The following ANKS1B variants were observed in gnomAD, a reference collection of about 807,000 sequenced individuals.
ANKS1B encodes ankyrin repeat and sterile alpha motif domain-containing protein 1B.
Under a neutral mutation model 148.3 loss-of-function variants are expected in ANKS1B, and 36 were observed. That is an observed-to-expected ratio of 0.24 (90% CI 0.19 to 0.32). The LOEUF (loss-of-function observed/expected upper bound fraction) is 0.32, where lower values mean the gene tolerates loss of function less well. ANKS1B is among the 10% of genes least tolerant of loss of function. The probability of loss-of-function intolerance (pLI) is 1.00; values close to 1 mark genes in which losing one functional copy is unlikely to be tolerated. For synonymous variants in ANKS1B, 542 were observed against 560.8 expected (o/e 0.97, Z 0.47); for missense variants, 1,157 against 1,542.6 (o/e 0.75, Z 4.19).
intron 12 of ANKS1B, among the ~76,000 whole-genome samples, chr12:99,312,619 T>A (rs920164231): frequency 6.6e-6 from 1 of 152,038 alleles, no homozygotes. Flanking sequence ...AGCAACATCA[T>A]AAAATAGATG....
At chr12:98,970,859 C>T (rs188333473) in intron 17 of ANKS1B, among the ~76,000 whole-genome samples, 30 of 152,284 alleles carry the variant, frequency 2.0e-4, no homozygotes, top group African/African-American at 6.0e-4. Flanking sequence ...TTTTTAAAGT[C>T]TATGGGCCTC....
chr12:99,308,638 T>C (rs545774470), intron 12 of ANKS1B, among the ~76,000 whole-genome samples: 62 of 151,878 alleles, frequency 4.1e-4, no homozygotes, highest in Non-Finnish European at 8.4e-4. Flanking sequence ...AGAATATGCT[T>C]GTTAAGATCC....
intron 17 of ANKS1B, among the ~76,000 whole-genome samples, chr12:98,851,047 T>C (rs2153763245): frequency 6.6e-6 from 1 of 152,296 alleles, no homozygotes; most frequent in South Asian, 2.1e-4. Context: ...CAGTTCTAAG[T>C]TCCTACTGGC....
chr12:99,024,377 T>C (rs542883181), intron 17 of ANKS1B, among the ~76,000 whole-genome samples: 31 of 152,302 alleles, frequency 2.0e-4, no homozygotes, highest in Admixed American at 1.9e-3. Context: ...TGTGCTGTCA[T>C]TGCATTTCCC....
chr12:99,587,384 G>A (rs2097653069), intron 9 of ANKS1B, among the ~76,000 whole-genome samples: 2 of 152,082 alleles, frequency 1.3e-5, no homozygotes, highest in Non-Finnish European at 2.9e-5. Flanking sequence ...TGAAACTGAG[G>A]AAAATAGAAA....
intron 9 of ANKS1B, among the ~76,000 whole-genome samples, chr12:99,535,907 T>C (rs1010451213): frequency 3.9e-5 from 6 of 152,170 alleles, no homozygotes; most frequent in Admixed American, 1.3e-4. Context: ...ACAGTTAACA[T>C]TGTGTATTTA....
intron 17 of ANKS1B, among the ~76,000 whole-genome samples, chr12:98,928,449 T>C (rs1165787461): frequency 3.9e-4 from 59 of 151,930 alleles, no homozygotes; most frequent in Non-Finnish European, 1.0e-4. Flanking sequence ...CAGTATACAC[T>C]GACACCATAA....
At chr12:99,513,131 C>G (rs1184245397) in intron 9 of ANKS1B, among the ~76,000 whole-genome samples, 1 of 151,722 alleles carries the variant, frequency 6.6e-6, no homozygotes, top group Non-Finnish European at 1.5e-5. Context: ...CCATTCAAAT[C>G]AAGGCAAGAC....
At chr12:99,141,125 C>T (rs952024993) in intron 15 of ANKS1B, among the ~76,000 whole-genome samples, 8 of 152,056 alleles carry the variant, frequency 5.3e-5, no homozygotes, top group Non-Finnish European at 1.5e-5. Flanking sequence ...ATATCAATAC[C>T]TCTTTTTCTA....
chr12:99,634,135 T>G (rs1348397705), intron 9 of ANKS1B, among the ~76,000 whole-genome samples: 1 of 152,198 alleles, frequency 6.6e-6, no homozygotes, highest in African/African-American at 2.4e-5. Context: ...AAATTTAATC[T>G]CCAATGTGGC....
At chr12:99,305,135 C>G (rs1030022672) in intron 12 of ANKS1B, among the ~76,000 whole-genome samples, 7 of 151,900 alleles carry the variant, frequency 4.6e-5, no homozygotes, top group Admixed American at 2.6e-4. Context: ...GTCCTAAATT[C>G]TTTTTAACAA....
intron 9 of ANKS1B, among the ~76,000 whole-genome samples, chr12:99,515,891 A>G (rs1567250713): frequency 6.6e-6 from 1 of 152,050 alleles, no homozygotes; most frequent in Non-Finnish European, 1.5e-5. Flanking sequence ...TGTAGTTTTG[A>G]TTTGCATGTC....
chr12:99,355,041 A>G (rs2091841841), intron 12 of ANKS1B, among the ~76,000 whole-genome samples: 1 of 152,124 alleles, frequency 6.6e-6, no homozygotes, highest in Non-Finnish European at 1.5e-5. Flanking sequence ...TATGATATCT[A>G]ATACTTATTG....
intron 8 of ANKS1B, among the ~76,000 whole-genome samples, chr12:99,697,602 AG>A (rs1235354537): frequency 6.6e-6 from 1 of 152,192 alleles, no homozygotes; most frequent in Non-Finnish European, 1.5e-5. Flanking sequence ...GGGATGAATA[AG>A]GAGACCACAA....
At chr12:98,762,730 T>C (rs1454062806) in intron 25 of ANKS1B, among the ~76,000 whole-genome samples, 1 of 152,220 alleles carries the variant, frequency 6.6e-6, no homozygotes, top group Non-Finnish European at 1.5e-5. Flanking sequence ...GCCCCTCCTC[T>C]GCGGTGCCAC....
intron 10 of ANKS1B, among the ~76,000 whole-genome samples, chr12:99,466,887 T>C (rs2096127502): frequency 6.6e-6 from 1 of 152,088 alleles, no homozygotes; most frequent in Admixed American, 6.5e-5. Context: ...CCATTCCTTC[T>C]GAAACTATTC....
In ANKS1B at chr12:99,334,413, T is replaced by C. The variant is rs570835034; in HGVS notation, c.1756+65218A>G. 2.6e-5 allele frequency among the ~76,000 whole-genome samples: 4 copies of C among 152,244 alleles called. No homozygotes were observed. The East Asian group carries it at 7.7e-4, about 29-fold the overall frequency. ...TTTTTGTTAAGATGCTTAGCCAGAA[T>C]GGAAGCTGCCCACACAATGCTTGTA... On this transcript the variant is annotated intron_variant, in intron 12 of 26. Transcript: ENST00000683438.
rs556363435 is a variant in ANKS1B, at chr12:99,204,962, T to A, written c.2419+39380A>T. Among the ~76,000 whole-genome samples, 131 of 152,314 alleles carry A rather than the reference T, an allele frequency of 8.6e-4. 1 individual carries two copies. Among genetic ancestry groups the A allele is most frequent in the African/African-American group, 3.0e-3 (124 of 41,562 alleles). On this transcript the variant is annotated intron_variant, in intron 14 of 26. Transcript: ENST00000683438. Reference sequence around the variant, plus strand: ...TGGTTGAAATGAGTACCCTTCTGGATTATGTTTACCCCAAAGGAGATGCAT... The same window carrying A: ...TGGTTGAAATGAGTACCCTTCTGGAATATGTTTACCCCAAAGGAGATGCAT...
chr12:99,753,517 G>T (rs1187124463), intron 8 of ANKS1B, among the ~76,000 whole-genome samples: 1 of 152,106 alleles, frequency 6.6e-6, no homozygotes, highest in African/African-American at 2.4e-5. Flanking sequence ...ATACTTCAAT[G>T]TGTTTTTGTA....
Sources: allele counts gnomAD v4.1 joint callset (sites outside exome capture counted in the v4.1 genomes callset), GRCh38; gene constraint gnomAD v4.1.1; transcripts MANE v1.5; gene names NCBI Gene and HGNC (gene_info 2026-07-23, HGNC 2026-07-21).